The following FUT8 variants were observed in gnomAD, a reference collection of about 807,000 sequenced individuals.
FUT8 encodes alpha-(1,6)-fucosyltransferase.
A neutral mutation model predicts 71.3 loss-of-function variants in FUT8; 29 were observed. That is an observed-to-expected ratio of 0.41 (90% CI 0.30 to 0.55). The LOEUF (loss-of-function observed/expected upper bound fraction) is 0.55, where lower values mean the gene tolerates loss of function less well. Among genes scored for constraint, FUT8 ranks in the 20% least tolerant of loss-of-function variants. FUT8 has a pLI of 0.34. For missense variants in FUT8, 544 were observed against 702.1 expected, an observed-to-expected ratio of 0.77 and a Z score of 2.55; for synonymous variants, 254 against 239.3, an observed-to-expected ratio of 1.06 and a Z score of -0.57.
chr14:65,724,583 T>C lies in FUT8; in HGVS notation c.1259+260T>C, dbSNP rs192188133. On this transcript the variant is annotated intron_variant, in intron 9 of 10. Coordinates refer to ENST00000673929, the MANE Select transcript of FUT8 (RefSeq NM_001371533.1). The stretch of plus-strand genomic sequence containing the variant: ...TTGTCACCAGCAATAATCATTATTA[T>C]CATTAAAAGTATCACCCTACTTCTT... Among the ~76,000 whole-genome samples, 4 of 152,324 alleles carry C rather than the reference T, an allele frequency of 2.6e-5. No homozygotes were observed. In the East Asian group the frequency reaches 7.7e-4, roughly 29 times the overall value.
chr14:65,673,034 A>G (rs1455216053), intron 7 of FUT8, among the ~76,000 whole-genome samples: 2 of 152,252 alleles, frequency 1.3e-5, no homozygotes, highest in Admixed American at 6.5e-5. Context: ...AGTTAAACTG[A>G]ATTCTTAATA....
intron 7 of FUT8, among the ~76,000 whole-genome samples, chr14:65,711,342 A>G (rs1200730880): frequency 6.6e-6 from 1 of 152,192 alleles, no homozygotes. Context: ...CATATAAGTA[A>G]AATTTGGAGC....
intron 3 of FUT8, among the ~76,000 whole-genome samples, chr14:65,615,407 C>T (rs1263743681): frequency 1.3e-5 from 2 of 152,116 alleles, no homozygotes; most frequent in Admixed American, 6.6e-5. Context: ...ACACCTGGCC[C>T]AATTTTTTTC....
At chr14:65,371,184 T>C in the FUT8 span, among the ~76,000 whole-genome samples, 1 of 152,250 alleles carries the variant, frequency 6.6e-6, no homozygotes, top group Non-Finnish European at 1.5e-5. Flanking sequence ...AGGGCCATAT[T>C]TGGGTGTAGC....
At position 65,660,329 on chromosome 14, in the gene FUT8, A is replaced by G. The variant is rs1168306863; in HGVS notation, c.598-8914A>G. On this transcript the variant is annotated intron_variant, in intron 6 of 10. Coordinates refer to ENST00000673929, the MANE Select transcript of FUT8 (RefSeq NM_001371533.1). This position sits in a 1 kb window ranked among gnomAD's most constrained non-coding sequence, Gnocchi z 4.1. ...TGGATTTATGGAATTTCCATCTTTT[A>G]AAAATGACTTTAAAGCATTTAATAG... Among the ~76,000 whole-genome samples, 2 of 152,158 alleles carry G rather than the reference A, an allele frequency of 1.3e-5. No homozygotes were observed.
chr14:65,722,403 C>T (rs2139354629), intron 8 of FUT8, among the ~76,000 whole-genome samples: 1 of 152,296 alleles, frequency 6.6e-6, no homozygotes, highest in South Asian at 2.1e-4. Context: ...CCTCCTACCT[C>T]AGCCTCCCAA....
At chr14:65,452,369 G>T (rs143267014) in intron 1 of FUT8, among the ~76,000 whole-genome samples, 14 of 152,146 alleles carry the variant, frequency 9.2e-5, no homozygotes, top group Admixed American at 7.9e-4. Flanking sequence ...GACATTTGCC[G>T]TCAAGCAGCA....
chr14:65,664,289 G>A (rs539282267), intron 6 of FUT8, among the ~76,000 whole-genome samples: 13 of 152,162 alleles, frequency 8.5e-5, no homozygotes, highest in African/African-American at 3.1e-4. Context: ...ATATAATATT[G>A]TACAGAAATT....
chr14:65,644,430 A>G (rs1483525880), intron 6 of FUT8, among the ~76,000 whole-genome samples: 5 of 151,098 alleles, frequency 3.3e-5, no homozygotes, highest in African/African-American at 2.4e-5. Context: ...AGCTGGGACT[A>G]CAGGCGCCCA....
At chr14:65,442,718 C>T (rs1326496415) in intron 1 of FUT8, among the ~76,000 whole-genome samples, 2 of 151,586 alleles carry the variant, frequency 1.3e-5, no homozygotes, top group African/African-American at 2.4e-5. Context: ...TGCCTGTGAT[C>T]CCAGCTACTT....
At chr14:65,555,721 A>G (rs180879926) in intron 2 of FUT8, among the ~76,000 whole-genome samples, 1 of 152,184 alleles carries the variant, frequency 6.6e-6, no homozygotes, top group Admixed American at 6.5e-5. Flanking sequence ...GTCTTCTTTG[A>G]CCTTTGCCCA....
chr14:65,716,155 A>T (rs1895048619), intron 7 of FUT8, among the ~76,000 whole-genome samples: 1 of 152,134 alleles, frequency 6.6e-6, no homozygotes, highest in Non-Finnish European at 1.5e-5. Flanking sequence ...TTGGTTTCTG[A>T]TGCAGATTAA....
At chr14:65,629,146 C>A (rs534971025) in intron 5 of FUT8, among the ~76,000 whole-genome samples, 1 of 152,186 alleles carries the variant, frequency 6.6e-6, no homozygotes, top group Non-Finnish European at 1.5e-5. Context: ...CTAATACTAA[C>A]GTCAACTTCT....
intron 7 of FUT8, among the ~76,000 whole-genome samples, chr14:65,711,969 G>C (rs190918125): frequency 0.022 from 3,260 of 150,544 alleles, 61 homozygotes; most frequent in Non-Finnish European, 0.031. Context: ...TTTGAAGACT[G>C]TGTTTTGTTC....
chr14:65,591,625 A>G (rs1236490596), intron 3 of FUT8, among the ~76,000 whole-genome samples: 4 of 152,114 alleles, frequency 2.6e-5, no homozygotes, highest in African/African-American at 9.7e-5. Flanking sequence ...GATTTTGCAA[A>G]CAGATAATCA....
chr14:65,454,775 C>A (rs1370718362), intron 1 of FUT8, among the ~76,000 whole-genome samples: 1 of 152,194 alleles, frequency 6.6e-6, no homozygotes, highest in Admixed American at 6.5e-5. Context: ...GCATACTACA[C>A]ACTCAGTGAA....
chr14:65,705,803 T>C (rs1894527905), intron 7 of FUT8, among the ~76,000 whole-genome samples: 1 of 152,240 alleles, frequency 6.6e-6, no homozygotes, highest in African/African-American at 2.4e-5. Context: ...CTACTCTTCA[T>C]TGTAGTCATT....
chr14:65,374,336 A>G, the FUT8 span, among the ~76,000 whole-genome samples: 6 of 152,242 alleles, frequency 3.9e-5, no homozygotes, highest in African/African-American at 1.2e-4. Flanking sequence ...GAAATTGTCT[A>G]TAATGTACTA....
intron 6 of FUT8, among the ~76,000 whole-genome samples, chr14:65,651,135 C>G (rs964590782): frequency 1.3e-5 from 2 of 152,210 alleles, no homozygotes; most frequent in African/African-American, 4.8e-5. Context: ...TTTCCATCCC[C>G]TAACCCTCCC....
Sources: allele counts gnomAD v4.1 joint callset (sites outside exome capture counted in the v4.1 genomes callset), GRCh38; gene constraint gnomAD v4.1.1; non-coding constraint Gnocchi (gnomAD v3.1); transcripts MANE v1.5; gene names NCBI Gene and HGNC (gene_info 2026-07-23, HGNC 2026-07-21).